ITSN1: variants seen among roughly 807,000 people sequenced by gnomAD.
ITSN1 encodes intersectin-1.
Under a neutral mutation model 239.8 loss-of-function variants are expected in ITSN1, and 58 were observed. The observed-to-expected ratio is 0.24, with a 90% CI of 0.20 to 0.30. The LOEUF is 0.30. ITSN1 is among the 10% of genes least tolerant of loss of function. The probability of loss-of-function intolerance (pLI) is 1.00; values close to 1 mark genes in which losing one functional copy is unlikely to be tolerated. For synonymous variants in ITSN1, 780 were observed against 770.8 expected, an observed-to-expected ratio of 1.01 and a Z score of -0.20; for missense variants, 1,558 against 2,103.3, an observed-to-expected ratio of 0.74 and a Z score of 5.07.
At chr21:33,822,929 T>C (rs116458768) in intron 24 of ITSN1, among the ~76,000 whole-genome samples, 3,444 of 152,302 alleles carry the variant, frequency 0.023, 140 homozygotes, top group African/African-American at 0.078. Flanking sequence ...TATGGCACAA[T>C]AGGACATAAG....
At chr21:33,770,764 A>AT (rs199737103) in intron 11 of ITSN1, among the ~76,000 whole-genome samples, 26,285 of 133,546 alleles carry the variant, frequency 0.2, 3,120 homozygotes, top group African/African-American at 0.32. Flanking sequence ...GGGACTTTGA[A>AT]TTTTTTTTTT....
intron 1 of ITSN1, among the ~76,000 whole-genome samples, chr21:33,672,511 C>CT (rs1568900833): frequency 6.6e-6 from 1 of 152,254 alleles, no homozygotes; most frequent in East Asian, 1.9e-4. Flanking sequence ...AAAGGGAACG[C>CT]TTGTACACTG....
chr21:33,699,058 A>C (rs2091907259), intron 1 of ITSN1, among the ~76,000 whole-genome samples: 1 of 152,192 alleles, frequency 6.6e-6, no homozygotes, highest in Non-Finnish European at 1.5e-5. Flanking sequence ...TAATACCTGA[A>C]ACGAAACCCT....
At chr21:33,857,227 C>T (rs939011095) in intron 30 of ITSN1, among the ~76,000 whole-genome samples, 4 of 152,300 alleles carry the variant, frequency 2.6e-5, no homozygotes, top group Admixed American at 6.5e-5. Context: ...CCTCCTGGCC[C>T]GCAGTGTTGG....
intron 9 of ITSN1, 63 bp downstream of exon 9, chr21:33,762,049 C>A (rs891375851): frequency 8.2e-7 from 1 of 1,225,324 alleles, no homozygotes; most frequent in African/African-American, 1.5e-5. Flanking sequence ...GGTGTGGCCT[C>A]ATGGGTTTTA....
chr21:33,856,394 CG>C (rs1439319671), intron 29 of ITSN1, among the ~76,000 whole-genome samples: 1 of 152,124 alleles, frequency 6.6e-6, no homozygotes, highest in Non-Finnish European at 1.5e-5. Context: ...TCTGAGGGCT[CG>C]GGGTGTGTCT....
chr21:33,884,510 G>A lies in ITSN1; in HGVS notation c.4677-531G>A, dbSNP rs370475249. 1.6e-4 allele frequency among the ~76,000 whole-genome samples: 25 copies of A among 152,318 alleles called. No individual in the cohort carries two copies. In the South Asian group the frequency reaches 5.2e-3, roughly 32 times the overall value. On this transcript the variant is annotated intron_variant, in intron 36 of 39. Coordinates refer to ENST00000381318, the MANE Select transcript of ITSN1 (RefSeq NM_003024.3). ...GACACAAGGCCAGCATCATTCCAAA[G>A]AGCATTTGCACCAAGCAAGAAAATT... is the stretch of plus-strand genomic sequence containing the variant.
chr21:33,680,734 A>G (rs1012431923), intron 1 of ITSN1, among the ~76,000 whole-genome samples: 2 of 152,172 alleles, frequency 1.3e-5, no homozygotes, highest in Admixed American at 1.3e-4. Flanking sequence ...AAACACAGCA[A>G]AGCAATCAGT....
intron 24 of ITSN1, among the ~76,000 whole-genome samples, chr21:33,819,648 G>A (rs746799849): frequency 5.3e-5 from 8 of 152,206 alleles, no homozygotes; most frequent in Admixed American, 1.3e-4. Flanking sequence ...ACCTAACATA[G>A]TCTAGTCTCA....
At position 33,703,081 on chromosome 21, in the gene ITSN1, GTC is replaced by G. The variant is rs879927607; in HGVS notation, c.-32-15714_-32-15713del. On this transcript the variant is annotated intron_variant, in intron 1 of 39. Coordinates refer to ENST00000381318, the MANE Select transcript of ITSN1 (RefSeq NM_003024.3). ...AGCCTGGGTGGCTGAGCGAGACTCT[GTC>G]TGTGTGTGTGTGTGTGTGTGTGTGT... Among the ~76,000 whole-genome samples, 167 of 126,802 alleles carry G rather than the reference GTC, an allele frequency of 1.3e-3. 4 individuals are homozygous for G. The East Asian group carries it at 0.027, about 20-fold the overall frequency. 83.2% of individuals were successfully genotyped at this position (126,802 alleles called of 152,430 possible).
rs1981664940 is a variant in ITSN1, at chr21:33,866,745, C to CT, written c.4075-485dup. On this transcript the variant is annotated intron_variant, in intron 32 of 39. Coordinates refer to ENST00000381318, the MANE Select transcript of ITSN1 (RefSeq NM_003024.3). Reference sequence around the variant, plus strand: ...CTTGACCCCCGTTGTCTGAGCTCCTCTTTCTCAGCCCTGCCTGGAGTTCCC... The same window carrying CT: ...CTTGACCCCCGTTGTCTGAGCTCCTCTTTTCTCAGCCCTGCCTGGAGTTCCC... Among the ~76,000 whole-genome samples the CT allele has an allele frequency of 3.9e-5, 6 of 152,342 alleles. No homozygotes were observed. The South Asian group carries it at 1.2e-3, about 32-fold the overall frequency.
At chr21:33,763,244 A>AC (rs2068486360) in intron 9 of ITSN1, among the ~76,000 whole-genome samples, 1 of 151,648 alleles carries the variant, frequency 6.6e-6, no homozygotes, top group South Asian at 2.1e-4. Context: ...AAAAAAAAAA[A>AC]AAAAAAAAAC....
rs2148595023 is a variant in ITSN1, at chr21:33,896,336, G to A, written c.*8036G>A. Reference sequence around the variant, plus strand: ...AATAAAACCCTTCCTCTGGGCCTTGGGCATCCACTGGGAGCTTTTCTCCCC... The same window carrying A: ...AATAAAACCCTTCCTCTGGGCCTTGAGCATCCACTGGGAGCTTTTCTCCCC... On this transcript the variant is annotated 3_prime_UTR_variant, in exon 40 of 40. Coordinates refer to ENST00000381318, the MANE Select transcript of ITSN1 (RefSeq NM_003024.3). 6.6e-6 allele frequency: 1 copy of A among 152,444 alleles called. No homozygotes were observed. The highest frequency in any genetic ancestry group is 2.4e-5 in the African/African-American group (1 of 41,548). The allele number at this position is 152,444 out of a possible 1,614,324, so 9.4% of individuals were successfully genotyped here. A position where few individuals can be genotyped will look rare whatever the true frequency, so the allele number is the denominator to read the frequency against.
intron 29 of ITSN1, among the ~76,000 whole-genome samples, chr21:33,845,773 A>G (rs943693182): frequency 3.2e-4 from 49 of 152,178 alleles, no homozygotes; most frequent in Non-Finnish European, 3.1e-4. Flanking sequence ...ACCCGTCACG[A>G]AAGTCCAGGC....
intron 19 of ITSN1, among the ~76,000 whole-genome samples, chr21:33,800,785 ATTT>A (rs144141328): frequency 1.3e-4 from 19 of 142,184 alleles, no homozygotes; most frequent in Admixed American, 1.2e-3. Context: ...TACTCTTAAC[ATTT>A]TTTTTTTTTT....
chr21:33,880,886 C>G (rs1357157526), intron 34 of ITSN1, among the ~76,000 whole-genome samples: 1 of 152,000 alleles, frequency 6.6e-6, no homozygotes, highest in Non-Finnish European at 1.5e-5. Context: ...AAAAAGGGGG[C>G]CTCTGTGGGA....
chr21:33,882,144 G>C lies in ITSN1; in HGVS notation c.4342-99G>C. 1 of 1,010,796 alleles carries C rather than the reference G, an allele frequency of 9.9e-7. No homozygotes were observed. Among genetic ancestry groups the C allele is most frequent in the Non-Finnish European group, 1.5e-6 (1 of 689,184 alleles). 62.6% of individuals were successfully genotyped at this position (1,010,796 alleles called of 1,614,324 possible). On this transcript the variant is annotated intron_variant, in intron 34 of 39. Transcript: ENST00000381318. This position sits in a 1 kb window ranked among gnomAD's most constrained non-coding sequence, Gnocchi z 4.5. ...TATCCTTGACTTTTGCCTGAGATCC[G>C]AGTCTGCTGGGGCCTGGCCTCTGAT...
chr21:33,802,545 T>C lies in ITSN1; in HGVS notation c.2319+101T>C, dbSNP rs142750469. The C allele has an allele frequency of 2.6e-5, 31 of 1,215,354 alleles. No individual in the cohort carries two copies. In the East Asian group the frequency reaches 7.1e-4, roughly 28 times the overall value. The allele number at this position is 1,215,354 out of a possible 1,614,324, so 75.3% of individuals were successfully genotyped here. A position where few individuals can be genotyped will look rare whatever the true frequency, so the allele number is the denominator to read the frequency against. On this transcript the variant is annotated intron_variant, in intron 20 of 39. Transcript: ENST00000381318. ...TAAGTACACGTATCTCTGGGTGTTG[T>C]TGCGGCAGTAAAAATGTGTTTGAGT...
At chr21:33,779,493 G>A (rs1218518639) in intron 14 of ITSN1, among the ~76,000 whole-genome samples, 3 of 152,020 alleles carry the variant, frequency 2.0e-5, no homozygotes, top group South Asian at 2.1e-4. Context: ...TTCTATGGGC[G>A]CTTGAAAAGA....
Sources: gnomAD v4.1 joint callset for allele counts (sites outside exome capture counted in the v4.1 genomes callset) on GRCh38, gnomAD v4.1.1 for gene constraint, Gnocchi (gnomAD v3.1) non-coding constraint, MANE v1.5 for transcripts, NCBI Gene and HGNC (gene_info 2026-07-23, HGNC 2026-07-21) for gene names.